Variants in AMPH observed in about 807,000 individuals in gnomAD.
AMPH encodes the protein amphiphysin (Stiff-Mann syndrome with breast cancer 128kD autoantigen).
A neutral mutation model predicts 99.1 loss-of-function variants in AMPH; 49 were observed. The observed-to-expected ratio is 0.49, with a 90% CI of 0.39 to 0.63. The LOEUF (loss-of-function observed/expected upper bound fraction) is 0.63. Among genes scored for constraint, AMPH ranks in the 20% least tolerant of loss-of-function variants. The pLI is 0.00. For missense variants in AMPH, 759 were observed against 863.4 expected, an observed-to-expected ratio of 0.88 and a Z score of 1.52; for synonymous variants, 314 against 317.3, an observed-to-expected ratio of 0.99 and a Z score of 0.11.
At chr7:38,565,227 A>G (rs1001115392) in intron 1 of AMPH, among the ~76,000 whole-genome samples, 2 of 152,148 alleles carry the variant, frequency 1.3e-5, no homozygotes, top group East Asian at 3.8e-4. Flanking sequence ...AATTTTATTT[A>G]GAGTTTCAAG....
intron 17 of AMPH, among the ~76,000 whole-genome samples, chr7:38,406,712 TCCTC>T (rs201891439): frequency 0.011 from 1,313 of 119,556 alleles, 14 homozygotes; most frequent in East Asian, 0.026. Flanking sequence ...CTCTCTCCTC[TCCTC>T]TCTCTCTCCC....
At position 38,572,493 on chromosome 7, in the gene AMPH, A is replaced by G. The variant is rs993366951; in HGVS notation, c.70-37482T>C. 2.1e-4 allele frequency among the ~76,000 whole-genome samples: 32 copies of G among 152,218 alleles called. 1 individual carries two copies. The highest frequency in any genetic ancestry group is 7.5e-4 in the African/African-American group (31 of 41,468). On this transcript the variant is annotated intron_variant, in intron 1 of 20. Transcript: ENST00000356264. ...ATCATTATGCCACACACGACTGTAC[A>G]GGGGATGCAGGGGCTGAAAAGCCAA...
chr7:38,475,840 G>C (rs1183701029), intron 6 of AMPH, among the ~76,000 whole-genome samples: 4 of 152,188 alleles, frequency 2.6e-5, no homozygotes, highest in Admixed American at 2.6e-4. Context: ...GCAGAGAAGA[G>C]AGAAGGTAAT....
In AMPH at chr7:38,589,161, T is replaced by C. The variant is rs1178317344; in HGVS notation, c.69+42122A>G. Among the ~76,000 whole-genome samples the C allele has an allele frequency of 2.0e-5, 3 of 152,162 alleles. No individual in the cohort carries two copies. The East Asian group carries it at 5.8e-4, about 29-fold the overall frequency. ...GAAGTCTGACTATCCAACATTAAAGTAGAAATAAGATAATCAGAGATTCAG... is the reference window on the plus strand; with the variant it reads ...GAAGTCTGACTATCCAACATTAAAGCAGAAATAAGATAATCAGAGATTCAG... On this transcript the variant is annotated intron_variant, in intron 1 of 20. Coordinates refer to ENST00000356264, the MANE Select transcript of AMPH (RefSeq NM_001635.4).
At chr7:38,461,987 G>C (rs547197084) in intron 10 of AMPH, among the ~76,000 whole-genome samples, 1 of 152,204 alleles carries the variant, frequency 6.6e-6, no homozygotes, top group Non-Finnish European at 1.5e-5. Context: ...TTAGGAAAGT[G>C]TAAAAGCAAT....
rs1170539328 is a variant in AMPH at position 38,478,086 on chromosome 7, A to G, written c.397-1117T>C. Among the ~76,000 whole-genome samples the G allele has an allele frequency of 9.2e-5, 14 of 151,680 alleles. No individual in the cohort carries two copies. In the South Asian group the frequency reaches 2.5e-3, roughly 27 times the overall value. On this transcript the variant is annotated intron_variant, in intron 5 of 20. Coordinates refer to ENST00000356264, the MANE Select transcript of AMPH (RefSeq NM_001635.4). ...AACAAACAAACAAACAAACAAACAA[A>G]CAAAACAACAACAACAAAAACAGCC... is the stretch of plus-strand genomic sequence containing the variant.
intron 17 of AMPH, among the ~76,000 whole-genome samples, chr7:38,410,732 T>C (rs1785190965): frequency 6.6e-6 from 1 of 152,232 alleles, no homozygotes; most frequent in East Asian, 1.9e-4. Context: ...TGGTTGACCA[T>C]GCAGTTAGTT....
intron 5 of AMPH, among the ~76,000 whole-genome samples, chr7:38,486,870 T>C (rs1481787303): frequency 7.2e-5 from 11 of 152,072 alleles, no homozygotes; most frequent in Non-Finnish European, 1.5e-4. Context: ...TTTGATAAAA[T>C]TCATTATCCT....
At chr7:38,439,106 C>T (rs1786405315) in intron 11 of AMPH, among the ~76,000 whole-genome samples, 1 of 152,204 alleles carries the variant, frequency 6.6e-6, no homozygotes, top group Admixed American at 6.5e-5. Flanking sequence ...CCCCTGCTGT[C>T]TCTCTCCTGC....
At chr7:38,606,822 G>A (rs1465196083) in intron 1 of AMPH, among the ~76,000 whole-genome samples, 1 of 151,952 alleles carries the variant, frequency 6.6e-6, no homozygotes, top group Non-Finnish European at 1.5e-5. Flanking sequence ...CAATCCTCAT[G>A]CTTTGGCCTC....
Position 38,429,159 on chromosome 7 carries a change from C to T in AMPH, c.1182+683G>A, listed in dbSNP as rs760389331. On this transcript the variant is annotated intron_variant, in intron 14 of 20. Transcript: ENST00000356264. ...ATCTTCATGACTTTCTTTGAACAGGCCAGCTGTGTCCATGGCTGGCATGTC... is the reference window on the plus strand; with the variant it reads ...ATCTTCATGACTTTCTTTGAACAGGTCAGCTGTGTCCATGGCTGGCATGTC... 6 of 1,289,952 alleles carry T rather than the reference C, an allele frequency of 4.7e-6. No homozygotes were observed. The South Asian group carries it at 7.4e-5, about 16-fold the overall frequency. 79.9% of individuals were successfully genotyped at this position (1,289,952 alleles called of 1,614,324 possible).
chr7:38,519,140 C>T (rs1374181990), intron 2 of AMPH, among the ~76,000 whole-genome samples: 1 of 152,214 alleles, frequency 6.6e-6, no homozygotes, highest in Non-Finnish European at 1.5e-5. Context: ...GATGGCAGAG[C>T]CAATGCTGGC....
At chr7:38,490,732 T>C (rs538461751) in intron 5 of AMPH, among the ~76,000 whole-genome samples, 1 of 152,302 alleles carries the variant, frequency 6.6e-6, no homozygotes, top group South Asian at 2.1e-4. Context: ...AAATGCTATA[T>C]AATAAAAGTT....
rs1391196389 is a variant in AMPH, at chr7:38,589,418, TA to T, written c.69+41864del. ...CCTCATCTCAGGGTTGATGTGACTG[TA>T]AAGCTTACATATTGGATAAGATTGC... On this transcript the variant is annotated intron_variant, in intron 1 of 20. Coordinates refer to ENST00000356264, the MANE Select transcript of AMPH (RefSeq NM_001635.4). 2.6e-5 allele frequency among the ~76,000 whole-genome samples: 4 copies of T among 152,218 alleles called. No individual in the cohort carries two copies. The East Asian group carries it at 7.7e-4, about 29-fold the overall frequency.
rs115372923 is a variant in AMPH, at chr7:38,419,175, T to A, written c.1273-1225A>T. Reference sequence around the variant, plus strand: ...TCAGTAACTTCTATCCAACTCACCATAAGCAATCAAAACACACCTCTATTT... The same window carrying A: ...TCAGTAACTTCTATCCAACTCACCAAAAGCAATCAAAACACACCTCTATTT... On this transcript the variant is annotated intron_variant, in intron 16 of 20. Transcript: ENST00000356264. Among the ~76,000 whole-genome samples the A allele has an allele frequency of 5.0e-3, 759 of 152,274 alleles. 6 individuals carry two copies. The highest frequency in any genetic ancestry group is 0.018 in the African/African-American group (731 of 41,556).
chr7:38,468,847 T>C (rs981542877), intron 7 of AMPH, among the ~76,000 whole-genome samples: 7 of 152,280 alleles, frequency 4.6e-5, no homozygotes, highest in Admixed American at 3.3e-4. Flanking sequence ...AAAAACTTAA[T>C]GTAACCAGCA....
intron 1 of AMPH, among the ~76,000 whole-genome samples, chr7:38,603,520 C>T (rs185232356): frequency 9.9e-5 from 15 of 152,194 alleles, no homozygotes; most frequent in Admixed American, 3.3e-4. Context: ...TCCTAGCACC[C>T]GAACCATATT....
At chr7:38,489,718 A>G (rs946473094) in intron 5 of AMPH, among the ~76,000 whole-genome samples, 2 of 152,150 alleles carry the variant, frequency 1.3e-5, no homozygotes, top group East Asian at 3.8e-4. Context: ...GCAATGGACT[A>G]GAATAGACAT....
rs551450782 is a variant in AMPH at position 38,589,312 on chromosome 7, T to C, written c.69+41971A>G. 7.9e-5 allele frequency among the ~76,000 whole-genome samples: 12 copies of C among 152,330 alleles called. No homozygotes were observed. In the South Asian group the frequency reaches 2.1e-3, roughly 26 times the overall value. Reference sequence around the variant, plus strand: ...TATAATTTTACTTCTAGATTGCATCTAATTCTCACACCATCACTTACCCAT... The same window carrying C: ...TATAATTTTACTTCTAGATTGCATCCAATTCTCACACCATCACTTACCCAT... On this transcript the variant is annotated intron_variant, in intron 1 of 20. Transcript: ENST00000356264.
Sources: gnomAD v4.1 joint callset for allele counts (sites outside exome capture counted in the v4.1 genomes callset) on GRCh38, gnomAD v4.1.1 for gene constraint, MANE v1.5 for transcripts, NCBI Gene and HGNC (gene_info 2026-07-23, HGNC 2026-07-21) for gene names.